Variants in HECW1 observed in about 807,000 individuals in gnomAD.
HECW1 encodes the protein HECT, C2 and WW domain containing E3 ubiquitin protein ligase 1.
Under a neutral mutation model 182.3 loss-of-function variants are expected in HECW1, and 61 were observed. The observed-to-expected ratio is 0.33, with a 90% CI of 0.27 to 0.41. HECW1 has a LOEUF of 0.41. Among genes scored for constraint, HECW1 ranks in the 10% least tolerant of loss-of-function variants. The pLI is 1.00. For synonymous variants in HECW1, 859 were observed against 832.6 expected (o/e 1.03, Z -0.55); for missense variants, 1,739 against 2,108.9 (o/e 0.82, Z 3.44).
At chr7:43,498,032 G>A (rs1658772464) in intron 19 of HECW1, among the ~76,000 whole-genome samples, 1 of 152,178 alleles carries the variant, frequency 6.6e-6, no homozygotes, top group Admixed American at 6.5e-5. Flanking sequence ...ATATGTAGGA[G>A]AGACAGCTGG....
At chr7:43,224,448 C>T (rs1297989534) in intron 2 of HECW1, among the ~76,000 whole-genome samples, 2 of 152,160 alleles carry the variant, frequency 1.3e-5, no homozygotes, top group Non-Finnish European at 2.9e-5. Context: ...GGGGATGTGG[C>T]ATTTGTACTT....
intron 3 of HECW1, among the ~76,000 whole-genome samples, chr7:43,286,227 G>A (rs76501094): frequency 6.6e-6 from 1 of 152,318 alleles, no homozygotes; most frequent in African/African-American, 2.4e-5. Context: ...AGTCCAAACA[G>A]ACAAGTTTCC....
At position 43,410,524 on chromosome 7, in the gene HECW1, T is replaced by C. The variant is rs114032047; in HGVS notation, c.801+2793T>C. Among the ~76,000 whole-genome samples the C allele has an allele frequency of 4.7e-3, 714 of 152,190 alleles. 8 individuals carry two copies. Among genetic ancestry groups the C allele is most frequent in the African/African-American group, 0.016 (657 of 41,524 alleles). ...GGAAGGAGACACACACACACACACA[T>C]TCAGTCTATAACAGGTTTCAGTCCA... On this transcript the variant is annotated intron_variant, in intron 8 of 29. Coordinates refer to ENST00000395891, the MANE Select transcript of HECW1 (RefSeq NM_015052.5).
chr7:43,264,579 C>T (rs149812206), intron 3 of HECW1, among the ~76,000 whole-genome samples: 2,088 of 152,260 alleles, frequency 0.014, 52 homozygotes, highest in African/African-American at 0.045. Flanking sequence ...GGCGCGGTGG[C>T]TCACGCCTGT....
intron 6 of HECW1, chr7:43,396,590 C>A (rs2075239463): frequency 2.2e-6 from 1 of 448,688 alleles, no homozygotes; most frequent in Non-Finnish European, 4.1e-6. Context: ...TGTTGATTTC[C>A]ATTTTCCTGA....
intron 5 of HECW1, among the ~76,000 whole-genome samples, chr7:43,332,010 C>G (rs952230454): frequency 6.6e-6 from 1 of 152,060 alleles, no homozygotes; most frequent in Admixed American, 6.5e-5. Context: ...GTGGGATGAC[C>G]AGAAGTGTGG....
intron 7 of HECW1, among the ~76,000 whole-genome samples, chr7:43,403,499 G>A (rs1350107603): frequency 6.6e-6 from 1 of 152,182 alleles, no homozygotes; most frequent in Non-Finnish European, 1.5e-5. Context: ...GTAGAGAGCG[G>A]AAGAGGGACA....
intron 2 of HECW1, among the ~76,000 whole-genome samples, chr7:43,227,745 G>T (rs1029631082): frequency 6.6e-6 from 1 of 152,180 alleles, no homozygotes; most frequent in Non-Finnish European, 1.5e-5. Flanking sequence ...GAAGAGGAAT[G>T]AAATAAGATT....
At chr7:43,213,439 A>ATTTTTT (rs35199868) in intron 2 of HECW1, among the ~76,000 whole-genome samples, 2 of 92,482 alleles carry the variant, frequency 2.2e-5, no homozygotes, top group African/African-American at 8.2e-5. Context: ...GATCATAAGA[A>ATTTTTT]TTTTTTTTTT....
At chr7:43,319,601 CTTTTT>C (rs796502195) in intron 4 of HECW1, among the ~76,000 whole-genome samples, 2 of 47,438 alleles carry the variant, frequency 4.2e-5, no homozygotes, top group African/African-American at 1.3e-4. Flanking sequence ...CTTTTCTTTT[CTTTTT>C]TTTTTTTTTT....
chr7:43,352,591 C>A (rs568606563), intron 5 of HECW1, among the ~76,000 whole-genome samples: 22 of 152,260 alleles, frequency 1.4e-4, no homozygotes, highest in Non-Finnish European at 2.9e-4. Context: ...TGCCATGAAC[C>A]ATATGTGTGA....
chr7:43,391,197 G>C (rs183521535), intron 6 of HECW1, among the ~76,000 whole-genome samples: 2 of 152,316 alleles, frequency 1.3e-5, no homozygotes, highest in African/African-American at 2.4e-5. Flanking sequence ...TACATCTTTA[G>C]GTGAATGCAC....
chr7:43,451,742 G>A (rs1054045242), intron 12 of HECW1, among the ~76,000 whole-genome samples: 1 of 152,038 alleles, frequency 6.6e-6, no homozygotes, highest in Non-Finnish European at 1.5e-5. Context: ...TATTCACTTG[G>A]CATCACATAT....
At chr7:43,149,379 A>G (rs771882650) in intron 2 of HECW1, among the ~76,000 whole-genome samples, 4 of 152,144 alleles carry the variant, frequency 2.6e-5, no homozygotes, top group Non-Finnish European at 5.9e-5. Context: ...GATAAACCCA[A>G]AATAAGGGTC....
At chr7:43,115,296 G>A (rs1784950527) in intron 2 of HECW1, among the ~76,000 whole-genome samples, 1 of 110,062 alleles carries the variant, frequency 9.1e-6, no homozygotes, top group Admixed American at 1.3e-4. Context: ...AACTCAAACA[G>A]GTCTTTTTTT....
At chr7:43,274,611 C>A in intron 3 of HECW1, 1 of 394,748 alleles carries the variant, frequency 2.5e-6, no homozygotes, top group East Asian at 7.2e-5. Flanking sequence ...GGGTGTGCCC[C>A]AAATAAACTC....
intron 2 of HECW1, among the ~76,000 whole-genome samples, chr7:43,161,263 T>C (rs1363479254): frequency 6.6e-6 from 1 of 152,258 alleles, no homozygotes; most frequent in African/African-American, 2.4e-5. Context: ...TTTTTAATGC[T>C]ATTGGTACAA....
At chr7:43,547,217 T>G (rs2081598460) in intron 26 of HECW1, among the ~76,000 whole-genome samples, 1 of 152,176 alleles carries the variant, frequency 6.6e-6, no homozygotes, top group Non-Finnish European at 1.5e-5. Context: ...TCTACAGGTA[T>G]GTATGCCATT....
In HECW1 at chr7:43,168,065, G is replaced by A. The variant is rs141206691; in HGVS notation, c.-32+53674G>A. ...TAGCCCGTGGTGTACGCTTCCTTTC[G>A]GCATTTGTTCAATTACCAACTAGTT... On this transcript the variant is annotated intron_variant, in intron 2 of 29. Coordinates refer to ENST00000395891, the MANE Select transcript of HECW1 (RefSeq NM_015052.5). 3.5e-3 allele frequency among the ~76,000 whole-genome samples: 535 copies of A among 152,146 alleles called. 4 individuals carry two copies. The highest frequency in any genetic ancestry group is 0.012 in the African/African-American group (518 of 41,488).
Sources: gnomAD v4.1 joint callset for allele counts (sites outside exome capture counted in the v4.1 genomes callset) on GRCh38, gnomAD v4.1.1 for gene constraint, MANE v1.5 for transcripts, NCBI Gene and HGNC (gene_info 2026-07-23, HGNC 2026-07-21) for gene names.